Variants in NEK1 observed in about 807,000 individuals in gnomAD.
NEK1 encodes the protein serine/threonine-protein kinase Nek1.
In NEK1, 137 loss-of-function variants were observed where a neutral mutation model predicts 182.1. That is an observed-to-expected ratio of 0.75 (90% CI 0.65 to 0.87). The LOEUF (loss-of-function observed/expected upper bound fraction) is 0.87. Ranked by LOEUF, NEK1 falls within the 40% of genes least tolerant of loss-of-function variation. The probability of loss-of-function intolerance (pLI) is 0.00; values close to 1 mark genes in which losing one functional copy is unlikely to be tolerated. For synonymous variants in NEK1, 513 were observed against 492.2 expected, an observed-to-expected ratio of 1.04 and a Z score of -0.56; for missense variants, 1,391 against 1,494.4, an observed-to-expected ratio of 0.93 and a Z score of 1.14.
In NEK1 at chr4:169,579,568, A is replaced by G. The variant is rs556975609; in HGVS notation, c.868+1274T>C. ...CACTTTCGGAGGCCAAGGCAGGCAGATCACGAGGTCAGGAGATTGAGACCA... is the reference window on the plus strand; with the variant it reads ...CACTTTCGGAGGCCAAGGCAGGCAGGTCACGAGGTCAGGAGATTGAGACCA... On this transcript the variant is annotated intron_variant, in intron 11 of 35. Coordinates refer to ENST00000507142, the MANE Select transcript of NEK1 (RefSeq NM_001199397.3). Among the ~76,000 whole-genome samples, 3 of 152,274 alleles carry G rather than the reference A, an allele frequency of 2.0e-5. No homozygotes were observed. In the South Asian group the frequency reaches 6.2e-4, roughly 32 times the overall value.
chr4:169,599,354 C>T (rs1211182164), intron 4 of NEK1, among the ~76,000 whole-genome samples, 157 bp from the exon 5 acceptor site: 1 of 152,126 alleles, frequency 6.6e-6, no homozygotes, highest in Non-Finnish European at 1.5e-5. Context: ...ATACCGGTCA[C>T]AAAGATTGTA....
chr4:169,592,419 T>C (rs2150101102), intron 5 of NEK1, among the ~76,000 whole-genome samples: 1 of 152,294 alleles, frequency 6.6e-6, no homozygotes, highest in East Asian at 1.9e-4. Flanking sequence ...ATGTATACTG[T>C]TTATGTACTA....
intron 26 of NEK1, among the ~76,000 whole-genome samples, chr4:169,464,608 T>C (rs1744590021): frequency 6.6e-6 from 1 of 152,052 alleles, no homozygotes; most frequent in African/African-American, 2.4e-5. Context: ...GGATTAGAAA[T>C]GCTCAACCTG....
intron 5 of NEK1, among the ~76,000 whole-genome samples, chr4:169,597,140 A>C (rs981287546): frequency 6.6e-6 from 1 of 152,214 alleles, no homozygotes; most frequent in East Asian, 1.9e-4. Flanking sequence ...ACAAACAATG[A>C]AATATATCTG....
At chr4:169,514,937 T>C (rs1198024770) in intron 19 of NEK1, among the ~76,000 whole-genome samples, 1 of 152,128 alleles carries the variant, frequency 6.6e-6, no homozygotes, top group Non-Finnish European at 1.5e-5. Context: ...TTTACAGTGA[T>C]TTGAGACATT....
chr4:169,591,016 C>CATCTCTTAT (rs1768395573), intron 5 of NEK1, among the ~76,000 whole-genome samples: 1 of 152,116 alleles, frequency 6.6e-6, no homozygotes, highest in Non-Finnish European at 1.5e-5. Context: ...GTTACTGGGT[C>CATCTCTTAT]ATCTCTTATA....
At chr4:169,592,135 G>A (rs1203711566) in intron 5 of NEK1, among the ~76,000 whole-genome samples, 1 of 152,054 alleles carries the variant, frequency 6.6e-6, no homozygotes, top group African/African-American at 2.4e-5. Flanking sequence ...TTTGTCACAG[G>A]TGTTTGTGAA....
chr4:169,432,739 G>A (rs1737662715), intron 29 of NEK1, among the ~76,000 whole-genome samples: 1 of 152,088 alleles, frequency 6.6e-6, no homozygotes, highest in Non-Finnish European at 1.5e-5. Flanking sequence ...ACAGATGTAA[G>A]CAAGACTTTT....
intron 27 of NEK1, among the ~76,000 whole-genome samples, chr4:169,453,433 GC>G (rs1248601684): frequency 6.6e-6 from 1 of 152,108 alleles, no homozygotes; most frequent in Non-Finnish European, 1.5e-5. Context: ...TTGGGTACAA[GC>G]CCCCCAAAAT....
At chr4:169,443,101 A>ATCTATCTATCTC (rs1363038119) in intron 27 of NEK1, among the ~76,000 whole-genome samples, 15 of 148,300 alleles carry the variant, frequency 1.0e-4, no homozygotes, top group African/African-American at 3.5e-4. Flanking sequence ...CTATCTATCT[A>ATCTATCTATCTC]TCTCATAATT....
chr4:169,404,296 A>G (rs1732208342), intron 32 of NEK1, among the ~76,000 whole-genome samples: 3 of 152,134 alleles, frequency 2.0e-5, no homozygotes, highest in African/African-American at 4.8e-5. Context: ...TAAAAAGGTA[A>G]CTTTTCTTCT....
At chr4:169,494,452 A>G (rs1750759830) in intron 23 of NEK1, among the ~76,000 whole-genome samples, 1 of 152,182 alleles carries the variant, frequency 6.6e-6, no homozygotes, top group South Asian at 2.1e-4. Context: ...GCTGCATAGT[A>G]TTCCATGGTG....
intron 18 of NEK1, among the ~76,000 whole-genome samples, chr4:169,546,391 T>A (rs1412542088): frequency 6.6e-6 from 1 of 152,182 alleles, no homozygotes; most frequent in Admixed American, 6.5e-5. Context: ...TGAGGAGTGT[T>A]TTACTTCCAA....
chr4:169,539,041 G>T (rs919195913), intron 18 of NEK1, among the ~76,000 whole-genome samples: 1 of 152,052 alleles, frequency 6.6e-6, no homozygotes, highest in African/African-American at 2.4e-5. Flanking sequence ...AGATTCTTAC[G>T]AAATTTCCAT....
At chr4:169,456,864 A>G (rs1272520572) in intron 27 of NEK1, among the ~76,000 whole-genome samples, 1 of 152,222 alleles carries the variant, frequency 6.6e-6, no homozygotes, top group Non-Finnish European at 1.5e-5. Flanking sequence ...TACACAATGG[A>G]GTACTATTCA....
rs1425163111 is a variant in NEK1, at chr4:169,555,702, G to C, written c.1562+18C>G. 1.2e-6 allele frequency: 2 copies of C among 1,613,562 alleles called. No homozygotes were observed. Among genetic ancestry groups the C allele is most frequent in the Non-Finnish European group, 1.7e-6 (2 of 1,179,610 alleles). On this transcript the variant is annotated intron_variant, in intron 18 of 35. Coordinates refer to ENST00000507142, the MANE Select transcript of NEK1 (RefSeq NM_001199397.3). ...AAATTACACACATGGATGAATTCATGGATCATCACAGTCCAACCTGTTTGC... is the reference window on the plus strand; with the variant it reads ...AAATTACACACATGGATGAATTCATCGATCATCACAGTCCAACCTGTTTGC...
intron 30 of NEK1, 105 bp downstream of exon 30, chr4:169,426,041 A>G: frequency 1.3e-6 from 1 of 792,080 alleles, no homozygotes; most frequent in East Asian, 2.7e-5. Flanking sequence ...GAGATGACTG[A>G]TAAGGAATGC....
intron 12 of NEK1, among the ~76,000 whole-genome samples, chr4:169,571,202 AT>A (rs1325455902): frequency 6.7e-6 from 1 of 148,844 alleles, no homozygotes; most frequent in African/African-American, 2.5e-5. Context: ...AAATAAATAA[AT>A]AAATAAATAA....
In NEK1 at chr4:169,393,760, T is replaced by A. The variant is rs529470189; in HGVS notation, c.*750A>T. ...ACCAAAAGAGCAACTTTAAGCTATA[T>A]GCTAAGTCAGTGTTAAATCCACAGA... On this transcript the variant is annotated 3_prime_UTR_variant, in exon 36 of 36. Coordinates refer to ENST00000507142, the MANE Select transcript of NEK1 (RefSeq NM_001199397.3). The A allele has an allele frequency of 2.0e-5, 3 of 152,354 alleles. No individual in the cohort carries two copies. Among genetic ancestry groups the A allele is most frequent in the Admixed American group, 1.3e-4 (2 of 15,300 alleles). The allele number at this position is 152,354 out of a possible 1,614,324, so 9.4% of individuals were successfully genotyped here.
Sources: allele counts gnomAD v4.1 joint callset (sites outside exome capture counted in the v4.1 genomes callset), GRCh38; gene constraint gnomAD v4.1.1; transcripts MANE v1.5; gene names NCBI Gene and HGNC (gene_info 2026-07-23, HGNC 2026-07-21).